Variants in FTO observed in about 807,000 individuals in gnomAD.
The protein encoded by FTO is FTO alpha-ketoglutarate dependent dioxygenase, also known as alpha-ketoglutarate-dependent dioxygenase FTO.
In FTO, 47 loss-of-function variants were observed where a neutral mutation model predicts 63.9. That is an observed-to-expected ratio of 0.74 (90% confidence interval 0.58 to 0.94). The LOEUF (loss-of-function observed/expected upper bound fraction) is 0.94, where lower values mean the gene tolerates loss of function less well. Among genes scored for constraint, FTO ranks in the 40% least tolerant of loss-of-function variants. FTO has a pLI of 0.00. For synonymous variants in FTO, 207 were observed against 224.4 expected, an observed-to-expected ratio of 0.92 and a Z score of 0.69; for missense variants, 562 against 618.1, an observed-to-expected ratio of 0.91 and a Z score of 0.96.
intron 4 of FTO, among the ~76,000 whole-genome samples, chr16:53,867,454 CAAT>C (rs1460150172): frequency 6.6e-6 from 1 of 151,536 alleles, no homozygotes; most frequent in Non-Finnish European, 1.5e-5. Context: ...AATTTATTCA[CAAT>C]AATAACAACA....
At chr16:53,883,616 C>CT (rs1396268125) in intron 6 of FTO, among the ~76,000 whole-genome samples, 1 of 97,102 alleles carries the variant, frequency 1.0e-5, no homozygotes, top group African/African-American at 4.7e-5. Flanking sequence ...GGGCGAAACT[C>CT]TATCTCAAAA....
intron 8 of FTO, among the ~76,000 whole-genome samples, chr16:54,089,024 A>G (rs1237234608): frequency 6.6e-6 from 1 of 152,134 alleles, no homozygotes. Flanking sequence ...GAATGAGAAA[A>G]TTTTTCCAGG....
intron 8 of FTO, among the ~76,000 whole-genome samples, chr16:54,100,381 C>T (rs2086613014): frequency 6.6e-6 from 1 of 152,134 alleles, no homozygotes; most frequent in Non-Finnish European, 1.5e-5. Context: ...GAGACAGGGT[C>T]TTGCTCTGCC....
chr16:54,060,996 C>T (rs537022674), intron 8 of FTO, among the ~76,000 whole-genome samples: 16 of 152,292 alleles, frequency 1.1e-4, no homozygotes, highest in African/African-American at 3.8e-4. Flanking sequence ...TATTGGCTTT[C>T]GATGGGCAAC....
At chr16:53,753,446 T>G (rs2076847589) in intron 1 of FTO, among the ~76,000 whole-genome samples, 1 of 151,780 alleles carries the variant, frequency 6.6e-6, no homozygotes, top group Admixed American at 6.6e-5. Context: ...TTGGAAGAAA[T>G]TCTTCCAAGT....
chr16:53,869,679 T>A (rs1294287983), intron 4 of FTO, among the ~76,000 whole-genome samples: 1 of 152,136 alleles, frequency 6.6e-6, no homozygotes, highest in African/African-American at 2.4e-5. Context: ...TCTTCATTTG[T>A]GTTACAGTGT....
chr16:53,742,968 C>T (rs1385884873), intron 1 of FTO, among the ~76,000 whole-genome samples: 1 of 152,092 alleles, frequency 6.6e-6, no homozygotes, highest in African/African-American at 2.4e-5. Flanking sequence ...TCTGATTACT[C>T]CAGTGTGCCT....
rs2086978161 is a variant in FTO at position 54,116,883 on chromosome 16, CG to C, written c.*4970del. On this transcript the variant is annotated 3_prime_UTR_variant, in exon 9 of 9. Transcript: ENST00000471389. Reference sequence around the variant, plus strand: ...AGAAGGACCAGACAGCTTTCCACCCCGGTTCCCAGGCAGCCCTGCTCCCATA... The same window carrying C: ...AGAAGGACCAGACAGCTTTCCACCCCGTTCCCAGGCAGCCCTGCTCCCATA... The C allele has an allele frequency of 6.6e-6, 1 of 152,390 alleles. No homozygotes were observed. Among genetic ancestry groups the C allele is most frequent in the Non-Finnish European group, 1.5e-5 (1 of 68,240 alleles). 9.4% of individuals were successfully genotyped at this position (152,390 alleles called of 1,614,324 possible).
Position 53,767,801 on chromosome 16 carries a change from A to G in FTO, c.46-42339A>G, listed in dbSNP as rs13335913. Among the ~76,000 whole-genome samples, 1,081 of 152,324 alleles carry G rather than the reference A, an allele frequency of 7.1e-3. 15 individuals are homozygous for G. Among genetic ancestry groups the G allele is most frequent in the African/African-American group, 0.025 (1,021 of 41,584 alleles). ...ATAACAATCAAGGAATATATTATTC[A>G]CCGGCCTGAAGTATAGAAAGAGTTC... On this transcript the variant is annotated intron_variant, in intron 1 of 8. Transcript: ENST00000471389.
intron 4 of FTO, among the ~76,000 whole-genome samples, chr16:53,848,932 A>T (rs11075998): frequency 0.2 from 29,792 of 152,038 alleles, 3,115 homozygotes; most frequent in East Asian, 0.33. Context: ...CTCTATTTAC[A>T]TTTGTTTCTT....
At chr16:53,954,593 G>A (rs936751254) in intron 8 of FTO, among the ~76,000 whole-genome samples, 5 of 152,136 alleles carry the variant, frequency 3.3e-5, no homozygotes, top group Admixed American at 3.3e-4. Flanking sequence ...CACAGGGGAT[G>A]CATTCAGGAA....
At chr16:53,773,460 C>T (rs1387451359) in intron 1 of FTO, among the ~76,000 whole-genome samples, 1 of 152,086 alleles carries the variant, frequency 6.6e-6, no homozygotes, top group African/African-American at 2.4e-5. Flanking sequence ...TAATATATTC[C>T]TCTCCACCCT....
At chr16:53,721,496 A>G (rs1294240125) in intron 1 of FTO, among the ~76,000 whole-genome samples, 1 of 152,200 alleles carries the variant, frequency 6.6e-6, no homozygotes, top group Non-Finnish European at 1.5e-5. Context: ...AATTGCAGTT[A>G]CATTACATTT....
At chr16:53,751,941 T>A (rs2076804181) in intron 1 of FTO, among the ~76,000 whole-genome samples, 1 of 152,212 alleles carries the variant, frequency 6.6e-6, no homozygotes, top group Non-Finnish European at 1.5e-5. Context: ...TGAAGTAAGA[T>A]CTTCTAAAAA....
chr16:53,909,762 C>T (rs2081638698), intron 7 of FTO, among the ~76,000 whole-genome samples: 1 of 151,776 alleles, frequency 6.6e-6, no homozygotes, highest in South Asian at 2.1e-4. Flanking sequence ...CAGGGTTTCA[C>T]CATGTTGGCC....
intron 8 of FTO, among the ~76,000 whole-genome samples, chr16:54,095,087 C>G (rs2086486036): frequency 6.6e-6 from 1 of 152,084 alleles, no homozygotes; most frequent in South Asian, 2.1e-4. Context: ...TCTTTTTTGG[C>G]AGAGACAGAG....
chr16:53,763,930 G>A (rs981536552), intron 1 of FTO, among the ~76,000 whole-genome samples: 4 of 152,282 alleles, frequency 2.6e-5, no homozygotes, highest in African/African-American at 9.6e-5. Flanking sequence ...CGATGCCCTG[G>A]AAAGAATCGG....
chr16:54,016,423 G>T (rs2084451875), intron 8 of FTO, among the ~76,000 whole-genome samples: 1 of 152,070 alleles, frequency 6.6e-6, no homozygotes, highest in South Asian at 2.1e-4. Flanking sequence ...CCTCATTTAG[G>T]CTGCTTTGCT....
intron 1 of FTO, among the ~76,000 whole-genome samples, chr16:53,705,313 C>T (rs2075573710): frequency 6.6e-6 from 1 of 152,168 alleles, no homozygotes; most frequent in Non-Finnish European, 1.5e-5. Flanking sequence ...TTCACATTGC[C>T]TACAAGATCC....
Sources: allele counts gnomAD v4.1 joint callset (sites outside exome capture counted in the v4.1 genomes callset), GRCh38; gene constraint gnomAD v4.1.1; transcripts MANE v1.5; gene names NCBI Gene and HGNC (gene_info 2026-07-23, HGNC 2026-07-21).